The following GLI3 variants were observed in gnomAD, a reference collection of about 807,000 sequenced individuals.
GLI3 encodes the protein transcription activator GLI3.
GLI3 carries 20 observed loss-of-function variants against 100.8 expected under a neutral mutation model. The observed-to-expected ratio is 0.20, with a 90% CI of 0.14 to 0.29. The LOEUF (loss-of-function observed/expected upper bound fraction) is 0.29, where lower values mean the gene tolerates loss of function less well. GLI3 is among the 10% of genes least tolerant of loss of function. The pLI, the probability that GLI3 is intolerant of heterozygous loss-of-function variation, is 1.00. For synonymous variants in GLI3, 938 were observed against 860.5 expected (o/e 1.09, Z -1.58); for missense variants, 2,040 against 2,128.5 (o/e 0.96, Z 0.82).
At chr7:42,028,403 T>C (rs1021778442) in intron 7 of GLI3, among the ~76,000 whole-genome samples, 1 of 152,148 alleles carries the variant, frequency 6.6e-6, no homozygotes, top group Non-Finnish European at 1.5e-5. Flanking sequence ...TCAGAAAACA[T>C]GCCCTTGATT....
At chr7:42,043,663 T>C (rs1346451828) in intron 6 of GLI3, among the ~76,000 whole-genome samples, 1 of 152,092 alleles carries the variant, frequency 6.6e-6, no homozygotes, top group Non-Finnish European at 1.5e-5. Flanking sequence ...TGACAATCAA[T>C]TTACCATATA....
chr7:42,073,713 TA>T (rs1424118258), intron 4 of GLI3, among the ~76,000 whole-genome samples: 1 of 152,198 alleles, frequency 6.6e-6, no homozygotes, highest in Non-Finnish European at 1.5e-5. Context: ...TCCTTGTTTT[TA>T]GGAGACTCGT....
chr7:42,128,184 TA>T (rs1786183469), intron 3 of GLI3, among the ~76,000 whole-genome samples: 1 of 152,166 alleles, frequency 6.6e-6, no homozygotes, highest in Admixed American at 6.5e-5. Context: ...AGCCAGTCTG[TA>T]ATAAGGGAGC....
intron 5 of GLI3, among the ~76,000 whole-genome samples, chr7:42,045,915 T>A (rs1483620827): frequency 6.6e-6 from 1 of 152,196 alleles, no homozygotes; most frequent in Admixed American, 6.5e-5. Flanking sequence ...GACTATGATA[T>A]CTTTCCAGAC....
chr7:42,243,407 C>CT (rs1788943735), intron 1 of GLI3, among the ~76,000 whole-genome samples: 1 of 152,134 alleles, frequency 6.6e-6, no homozygotes, highest in Non-Finnish European at 1.5e-5. Flanking sequence ...TACAGTTCTG[C>CT]TTTTTATGAT....
intron 3 of GLI3, among the ~76,000 whole-genome samples, chr7:42,091,706 C>T (rs1194587314): frequency 6.6e-6 from 1 of 152,212 alleles, no homozygotes; most frequent in African/African-American, 2.4e-5. Context: ...CCAGGCCAGC[C>T]AGGACTAGCA....
chr7:42,097,994 T>G (rs1785378899), intron 3 of GLI3, among the ~76,000 whole-genome samples: 1 of 152,194 alleles, frequency 6.6e-6, no homozygotes, highest in African/African-American at 2.4e-5. Context: ...TTATCTCCTC[T>G]TTGCGGATCA....
At chr7:42,015,880 T>A (rs935856331) in intron 10 of GLI3, among the ~76,000 whole-genome samples, 2 of 151,610 alleles carry the variant, frequency 1.3e-5, no homozygotes, top group Non-Finnish European at 2.9e-5. Flanking sequence ...TTAATCACAA[T>A]TTTTTTTTGT....
intron 2 of GLI3, among the ~76,000 whole-genome samples, chr7:42,182,647 T>TAC (rs1787618511): frequency 9.2e-5 from 4 of 43,584 alleles, no homozygotes; most frequent in Non-Finnish European, 1.7e-4. Flanking sequence ...TGTGTGTGTA[T>TAC]ATATATATAT....
At position 42,223,120 on chromosome 7, in the gene GLI3, T is replaced by C. The variant is rs112576935; in HGVS notation, c.124+10A>G. On this transcript the variant is annotated intron_variant, in intron 2 of 14. Coordinates refer to ENST00000395925, the MANE Select transcript of GLI3 (RefSeq NM_000168.6). ...CAGGCTGGGCTGCTGGTAATCCCTG[T>C]GCTGCTCACCATTAGAAGTGGTGCT... 9.5e-5 allele frequency: 154 copies of C among 1,613,764 alleles called. 4 individuals are homozygous for C. In the African/African-American group the frequency reaches 1.4e-3, roughly 15 times the overall value.
intron 3 of GLI3, among the ~76,000 whole-genome samples, chr7:42,084,958 C>T (rs544820425): frequency 1.8e-5 from 2 of 114,246 alleles, no homozygotes; most frequent in African/African-American, 7.0e-5. Context: ...ATTGCCCAGG[C>T]TGGACTGCAG....
intron 3 of GLI3, among the ~76,000 whole-genome samples, chr7:42,147,804 TA>T (rs1786751267): frequency 1.3e-5 from 2 of 152,168 alleles, no homozygotes; most frequent in Non-Finnish European, 1.5e-5. Flanking sequence ...ATCATTACAT[TA>T]AAAAATCATT....
chr7:42,258,415 G>A (rs537043997), intron 1 of GLI3, among the ~76,000 whole-genome samples: 6 of 152,034 alleles, frequency 3.9e-5, no homozygotes, highest in Admixed American at 1.3e-4. Context: ...TCTTTGTATT[G>A]GCTCTTCATT....
At chr7:42,107,635 T>A (rs1785606579) in intron 3 of GLI3, among the ~76,000 whole-genome samples, 1 of 152,062 alleles carries the variant, frequency 6.6e-6, no homozygotes, top group East Asian at 1.9e-4. Flanking sequence ...GTGGCTCTCT[T>A]CCAGGGTTTT....
intron 2 of GLI3, among the ~76,000 whole-genome samples, chr7:42,169,886 C>A (rs539432936): frequency 9.2e-5 from 14 of 151,808 alleles, no homozygotes; most frequent in Middle Eastern, 3.4e-3. Flanking sequence ...ATTTCAATTA[C>A]AATCAATTGA....
At chr7:42,229,229 G>A (rs972917170) in intron 1 of GLI3, among the ~76,000 whole-genome samples, 1 of 152,100 alleles carries the variant, frequency 6.6e-6, no homozygotes, top group Admixed American at 6.5e-5. Flanking sequence ...CCTAAACTTG[G>A]GCAAAAACTC....
rs1186292634 is a variant in GLI3 at position 42,262,209 on chromosome 7, T to TTCC, written c.-43+1784_-43+1785insGGA. On this transcript the variant is annotated intron_variant, in intron 1 of 2. Coordinates refer to the GLI3 transcript ENST00000678978. Reference sequence around the variant, plus strand: ...TTCTTTTATTTTTTTTCCTTCCTTCTTTCCTTCCTTCCTTCTTTCCTTCCT... The same window carrying TTCC: ...TTCTTTTATTTTTTTTCCTTCCTTCTTCCTTCCTTCCTTCCTTCTTTCCTTCCT... Among the ~76,000 whole-genome samples the TTCC allele has an allele frequency of 6.9e-4, 77 of 110,896 alleles. 5 individuals carry two copies. The highest frequency in any genetic ancestry group is 5.5e-4 in the Non-Finnish European group (31 of 56,404). 72.8% of individuals were successfully genotyped at this position (110,896 alleles called of 152,430 possible).
chr7:41,968,709 GAAAGAAGAAAGAAAGAAAGAAAGA>G (rs1562661709), intron 13 of GLI3, among the ~76,000 whole-genome samples: 7 of 119,492 alleles, frequency 5.9e-5, no homozygotes, highest in African/African-American at 1.5e-4. Context: ...AAGAAAGAAA[GAAAGAAGAAAGAAAGAAAGAAAGA>G]AAGAAAGAAA....
chr7:42,170,137 AG>A (rs1787334908), intron 2 of GLI3, among the ~76,000 whole-genome samples: 2 of 151,006 alleles, frequency 1.3e-5, no homozygotes, highest in African/African-American at 4.9e-5. Flanking sequence ...CTGTAATCCC[AG>A]CTACTCAGGA....
Sources: gnomAD v4.1 joint callset for allele counts (sites outside exome capture counted in the v4.1 genomes callset) on GRCh38, gnomAD v4.1.1 for gene constraint, MANE v1.5 for transcripts, NCBI Gene and HGNC (gene_info 2026-07-23, HGNC 2026-07-21) for gene names.